Variants in SLC24A2 observed in about 807,000 individuals in gnomAD.
SLC24A2 encodes the protein sodium/potassium/calcium exchanger 2.
Under a neutral mutation model 62.0 loss-of-function variants are expected in SLC24A2, and 36 were observed. That is an observed-to-expected ratio of 0.58 (90% CI 0.44 to 0.77). The LOEUF is 0.77. SLC24A2 is among the 30% of genes least tolerant of loss of function. The pLI is 0.00. For synonymous variants in SLC24A2, 358 were observed against 294.0 expected, an observed-to-expected ratio of 1.22 and a Z score of -2.23; for missense variants, 846 against 817.9, an observed-to-expected ratio of 1.03 and a Z score of -0.42.
chr9:20,229,024 T>C, the SLC24A2 span, among the ~76,000 whole-genome samples: 1 of 152,184 alleles, frequency 6.6e-6, no homozygotes, highest in South Asian at 2.1e-4. Context: ...GGGAGCTGGG[T>C]GTGAGGTGTG....
At chr9:20,174,813 G>A in the SLC24A2 span, among the ~76,000 whole-genome samples, 1 of 151,864 alleles carries the variant, frequency 6.6e-6, no homozygotes, top group African/African-American at 2.4e-5. Context: ...AGAACTAAAG[G>A]TAGAACTACT....
chr9:19,629,046 T>C (rs549213236), intron 2 of SLC24A2, among the ~76,000 whole-genome samples: 5 of 152,142 alleles, frequency 3.3e-5, no homozygotes, highest in East Asian at 1.9e-4. Context: ...CCAAGTGTTA[T>C]ATATATAATA....
At chr9:19,944,441 T>TAA in the SLC24A2 span, among the ~76,000 whole-genome samples, 45 of 78,520 alleles carry the variant, frequency 5.7e-4, no homozygotes, top group African/African-American at 8.9e-4. Flanking sequence ...AAAGTAGTAG[T>TAA]AAAAAAAAAA....
chr9:19,545,759 C>T (rs1231561001), intron 8 of SLC24A2, among the ~76,000 whole-genome samples: 1 of 152,066 alleles, frequency 6.6e-6, no homozygotes, highest in Non-Finnish European at 1.5e-5. Context: ...CTGCCTCAGC[C>T]TCCTGAGTAG....
intron 2 of SLC24A2, among the ~76,000 whole-genome samples, chr9:19,758,289 C>G (rs1300455560): frequency 1.3e-5 from 2 of 152,120 alleles, no homozygotes; most frequent in Non-Finnish European, 2.9e-5. Context: ...GACATGGAGT[C>G]CAGGCTTTTT....
chr9:19,680,045 C>A (rs1468325189), intron 2 of SLC24A2, among the ~76,000 whole-genome samples: 1 of 152,096 alleles, frequency 6.6e-6, no homozygotes, highest in African/African-American at 2.4e-5. Context: ...TCCAACTAAA[C>A]ATGAATTTGG....
the SLC24A2 span, among the ~76,000 whole-genome samples, chr9:20,097,499 T>A: frequency 4.6e-4 from 70 of 152,092 alleles, 3 homozygotes. Flanking sequence ...TAGACACTAA[T>A]AGTCACTTTG....
At chr9:19,691,191 T>C (rs1820036864) in intron 2 of SLC24A2, among the ~76,000 whole-genome samples, 1 of 152,056 alleles carries the variant, frequency 6.6e-6, no homozygotes, top group Non-Finnish European at 1.5e-5. Context: ...TGCACCTGCA[T>C]GTAAGGGAAA....
chr9:20,003,087 T>C, the SLC24A2 span, among the ~76,000 whole-genome samples: 1 of 152,182 alleles, frequency 6.6e-6, no homozygotes, highest in Non-Finnish European at 1.5e-5. Flanking sequence ...ATTTTGTTTG[T>C]TGAATTAGAT....
the SLC24A2 span, among the ~76,000 whole-genome samples, chr9:20,014,765 A>G: frequency 6.6e-6 from 1 of 152,106 alleles, no homozygotes; most frequent in Admixed American, 6.6e-5. Flanking sequence ...GTTGTTGTCC[A>G]AAGGGTACAA....
At chr9:19,856,773 T>G in the SLC24A2 span, among the ~76,000 whole-genome samples, 17 of 152,320 alleles carry the variant, frequency 1.1e-4, 1 homozygote, top group Non-Finnish European at 2.4e-4. Flanking sequence ...CATAAGGCAC[T>G]GGATCCAGGA....
the SLC24A2 span, among the ~76,000 whole-genome samples, chr9:20,234,930 G>T: frequency 6.6e-6 from 1 of 152,166 alleles, no homozygotes; most frequent in East Asian, 1.9e-4. Context: ...CTGTTTGTTC[G>T]TTTTCCTTCT....
chr9:19,959,486 C>T, the SLC24A2 span, among the ~76,000 whole-genome samples: 1 of 152,172 alleles, frequency 6.6e-6, no homozygotes, highest in South Asian at 2.1e-4. Flanking sequence ...ATAACCCAAC[C>T]TTTAGCAGTG....
chr9:20,062,041 G>C, the SLC24A2 span, among the ~76,000 whole-genome samples: 1 of 152,082 alleles, frequency 6.6e-6, no homozygotes, highest in Admixed American at 6.6e-5. Context: ...TTCAACACCA[G>C]CCTGGGAAAC....
At chr9:20,289,306 AT>A in the SLC24A2 span, among the ~76,000 whole-genome samples, 1 of 152,180 alleles carries the variant, frequency 6.6e-6, no homozygotes, top group Admixed American at 6.5e-5. Context: ...GCACTCTTTC[AT>A]TTCACCAATA....
chr9:20,019,253 G>GAAAGAAAGAA, the SLC24A2 span, among the ~76,000 whole-genome samples: 6 of 109,640 alleles, frequency 5.5e-5, no homozygotes, highest in East Asian at 5.3e-4. Context: ...AAGAAGGAAA[G>GAAAGAAAGAA]AGAAAGAAAG....
At chr9:19,862,435 T>C in the SLC24A2 span, among the ~76,000 whole-genome samples, 1 of 152,036 alleles carries the variant, frequency 6.6e-6, no homozygotes, top group Admixed American at 6.5e-5. Context: ...CCTACAAGAA[T>C]GCTAAAACAG....
the SLC24A2 span, among the ~76,000 whole-genome samples, chr9:19,990,742 G>T: frequency 1.3e-5 from 2 of 150,240 alleles, no homozygotes; most frequent in Non-Finnish European, 3.0e-5. Context: ...GAAATCTTAT[G>T]CTGGCCCTCT....
intron 2 of SLC24A2, among the ~76,000 whole-genome samples, chr9:19,682,400 G>C (rs576557607): frequency 2.0e-5 from 3 of 152,224 alleles, no homozygotes; most frequent in South Asian, 4.1e-4. Context: ...ATTGCTAATG[G>C]ATAGTAGCAG....
Sources: gnomAD v4.1 joint callset for allele counts (sites outside exome capture counted in the v4.1 genomes callset) on GRCh38, gnomAD v4.1.1 for gene constraint, MANE v1.5 for transcripts, NCBI Gene and HGNC (gene_info 2026-07-23, HGNC 2026-07-21) for gene names.